The following PTPN4 variants were observed in gnomAD, a reference collection of about 807,000 sequenced individuals.
The protein encoded by PTPN4 is tyrosine-protein phosphatase non-receptor type 4.
In PTPN4, 49 loss-of-function variants were observed where a neutral mutation model predicts 135.5. That is an observed-to-expected ratio of 0.36 (90% CI 0.29 to 0.46). The LOEUF (loss-of-function observed/expected upper bound fraction) is 0.46, where lower values mean the gene tolerates loss of function less well. PTPN4 is among the 20% of genes least tolerant of loss of function. The pLI is 1.00. For missense variants in PTPN4, 860 were observed against 1,101.0 expected (o/e 0.78, Z 3.10); for synonymous variants, 333 against 369.9 (o/e 0.90, Z 1.14).
intron 1 of PTPN4, among the ~76,000 whole-genome samples, chr2:119,779,546 G>C (rs1284170371): frequency 6.6e-6 from 1 of 151,866 alleles, no homozygotes; most frequent in African/African-American, 2.4e-5. Flanking sequence ...GAACCCGGGA[G>C]GCGGAGCTTG....
intron 1 of PTPN4, among the ~76,000 whole-genome samples, chr2:119,778,858 G>A (rs1323323360): frequency 6.7e-6 from 1 of 150,262 alleles, no homozygotes; most frequent in Admixed American, 6.6e-5. Context: ...CCCAGTGTAG[G>A]TCCAGTGTTA....
intron 1 of PTPN4, among the ~76,000 whole-genome samples, chr2:119,792,326 T>C (rs535699639): frequency 1.4e-3 from 214 of 152,324 alleles, no homozygotes; most frequent in African/African-American, 5.1e-3. Context: ...CTATATTTCC[T>C]GGTACCTACA....
At chr2:119,841,731 T>A (rs1407773933) in intron 2 of PTPN4, among the ~76,000 whole-genome samples, 2 of 152,204 alleles carry the variant, frequency 1.3e-5, no homozygotes, top group Admixed American at 1.3e-4. Context: ...CTTCCCATGC[T>A]CATTACTCAG....
intron 2 of PTPN4, among the ~76,000 whole-genome samples, chr2:119,841,056 CTTTTT>C (rs1316537582): frequency 6.6e-6 from 1 of 151,114 alleles, no homozygotes; most frequent in Admixed American, 6.6e-5. Flanking sequence ...TTCTTTTTTT[CTTTTT>C]TCTTTTAGCT....
At chr2:119,806,299 A>C (rs1009626429) in intron 1 of PTPN4, among the ~76,000 whole-genome samples, 5 of 152,216 alleles carry the variant, frequency 3.3e-5, no homozygotes, top group African/African-American at 1.2e-4. Flanking sequence ...ATAAAGAGTC[A>C]AGACCCATCA....
chr2:119,771,697 T>A (rs1352186176), intron 1 of PTPN4: 1 of 152,214 alleles, frequency 6.6e-6, no homozygotes, highest in Non-Finnish European at 1.5e-5. Flanking sequence ...GTTTCCCTCT[T>A]CTCCCCTAAT....
intron 19 of PTPN4, among the ~76,000 whole-genome samples, 200 bp downstream of exon 19, chr2:119,952,329 C>T (rs960736191): frequency 2.0e-5 from 3 of 151,938 alleles, no homozygotes; most frequent in Non-Finnish European, 4.4e-5. Context: ...TGCTTACTTT[C>T]CTCTATTCTA....
intron 24 of PTPN4, among the ~76,000 whole-genome samples, chr2:119,963,352 T>A (rs535607237): frequency 6.6e-6 from 1 of 152,196 alleles, no homozygotes; most frequent in African/African-American, 2.4e-5. Context: ...GTAGAGAGCG[T>A]CATGCTGCCA....
chr2:119,963,527 C>G (rs930916973), intron 24 of PTPN4, among the ~76,000 whole-genome samples: 1 of 152,130 alleles, frequency 6.6e-6, no homozygotes, highest in Non-Finnish European at 1.5e-5. Context: ...AATGGTCAAG[C>G]CTTTGGAAAT....
At chr2:119,774,261 C>T (rs1690789547) in intron 1 of PTPN4, among the ~76,000 whole-genome samples, 1 of 152,164 alleles carries the variant, frequency 6.6e-6, no homozygotes, top group Non-Finnish European at 1.5e-5. Flanking sequence ...AATGTCACAA[C>T]ATTACAAGAA....
At chr2:119,963,077 C>A (rs564096203) in intron 24 of PTPN4, among the ~76,000 whole-genome samples, 3 of 152,066 alleles carry the variant, frequency 2.0e-5, no homozygotes, top group African/African-American at 7.2e-5. Flanking sequence ...CAAGTAGTAT[C>A]AGTACAGTAT....
At chr2:119,826,533 A>G (rs748574756) in intron 2 of PTPN4, among the ~76,000 whole-genome samples, 13 of 152,194 alleles carry the variant, frequency 8.5e-5, no homozygotes, top group Non-Finnish European at 1.5e-4. Context: ...TTGTTGTCAC[A>G]GTTGGATGGT....
chr2:119,786,070 C>T (rs542940534), intron 1 of PTPN4, among the ~76,000 whole-genome samples: 2 of 152,176 alleles, frequency 1.3e-5, no homozygotes, highest in Non-Finnish European at 2.9e-5. Flanking sequence ...CCACTCCAGT[C>T]AAATTACACT....
chr2:119,769,626 A>G (rs1390993000), intron 1 of PTPN4, among the ~76,000 whole-genome samples: 1 of 152,258 alleles, frequency 6.6e-6, no homozygotes, highest in Admixed American at 6.5e-5. Context: ...AGTTTGCCAT[A>G]GAGGTAAAAG....
rs750854397 is a variant in PTPN4, at chr2:119,960,832, T to C, written c.2159T>C (p.Ile720Thr). 1.2e-6 allele frequency: 2 copies of C among 1,609,872 alleles called. No individual in the cohort carries two copies. Among genetic ancestry groups the C allele is most frequent in the Non-Finnish European group, 1.7e-6 (2 of 1,179,072 alleles). ...ATGGAAATTCCTTCTTCCAGCATTA[T>C]AAATCAGTACATTGCTTGTCAAGGG... ...INMEIPSSSI[I>T]NQYIACQGPL... Residue 720 changes from isoleucine to threonine, a missense_variant, in exon 23 of 27, where the codon ATA (isoleucine) becomes ACA (threonine). By Grantham distance (89) the Ile-to-Thr change is moderately conservative. This residue lies in a region of PTPN4 where 176 missense variants were observed against 294.1 expected (regional missense o/e 0.60). Transcript: ENST00000263708.
At chr2:119,946,062 G>T (rs929859320) in intron 16 of PTPN4, among the ~76,000 whole-genome samples, 4 of 151,956 alleles carry the variant, frequency 2.6e-5, no homozygotes, top group African/African-American at 9.7e-5. Flanking sequence ...CAGATTCTAC[G>T]GATATAGCAA....
chr2:119,892,773 GT>G (rs1678260461), intron 9 of PTPN4, among the ~76,000 whole-genome samples: 1 of 151,446 alleles, frequency 6.6e-6, no homozygotes, highest in Non-Finnish European at 1.5e-5. Context: ...CCAGGCTGGA[GT>G]GCATTGGTGC....
At chr2:119,844,222 G>A (rs1205175605) in intron 2 of PTPN4, among the ~76,000 whole-genome samples, 1 of 136,568 alleles carries the variant, frequency 7.3e-6, no homozygotes, top group African/African-American at 2.7e-5. Context: ...TCCCAGTAGG[G>A]GCGGGCGGGC....
rs1254247991 is a variant in PTPN4 at position 119,982,404 on chromosome 2, T to A, written c.*5334T>A. 2.0e-5 allele frequency: 3 copies of A among 152,156 alleles called. No homozygotes were observed. The highest frequency in any genetic ancestry group is 7.2e-5 in the African/African-American group (3 of 41,444). The allele number at this position is 152,156 out of a possible 1,614,324, so 9.4% of individuals were successfully genotyped here. ...TAAGGATACTCTATTTGTTTTAAAG[T>A]CTACACGGGATTGAAAAGAAAGGGA... On this transcript the variant is annotated 3_prime_UTR_variant, in exon 27 of 27. Transcript: ENST00000263708.
Sources: gnomAD v4.1 joint callset for allele counts (sites outside exome capture counted in the v4.1 genomes callset) on GRCh38, gnomAD v4.1.1 for gene constraint, gnomAD v4.1.1 regional missense constraint, MANE v1.5 for transcripts, NCBI Gene and HGNC (gene_info 2026-07-23, HGNC 2026-07-21) for gene names.